LARGE1: variants seen among roughly 807,000 people sequenced by gnomAD.
LARGE1 encodes the protein LARGE xylosyl- and glucuronyltransferase 1.
A neutral mutation model predicts 87.6 loss-of-function variants in LARGE1; 43 were observed. That is an observed-to-expected ratio of 0.49 (90% CI 0.38 to 0.63). The LOEUF (loss-of-function observed/expected upper bound fraction) is 0.63, where lower values mean the gene tolerates loss of function less well. Among genes scored for constraint, LARGE1 ranks in the 30% least tolerant of loss-of-function variants. The probability of loss-of-function intolerance (pLI) is 0.00; values close to 1 mark genes in which losing one functional copy is unlikely to be tolerated. For synonymous variants in LARGE1, 434 were observed against 394.6 expected (o/e 1.10, Z -1.18); for missense variants, 802 against 1,000.2 (o/e 0.80, Z 2.67).
chr22:33,901,079 C>T (rs1205325448), intron 1 of LARGE1, among the ~76,000 whole-genome samples: 1 of 152,094 alleles, frequency 6.6e-6, no homozygotes, highest in Non-Finnish European at 1.5e-5. Flanking sequence ...TGTTTGCACA[C>T]AGAGACATGT....
intron 7 of LARGE1, among the ~76,000 whole-genome samples, chr22:33,399,146 C>A (rs2065852737): frequency 6.6e-6 from 1 of 152,050 alleles, no homozygotes; most frequent in Non-Finnish European, 1.5e-5. Context: ...CCCCCCGCCC[C>A]GACCAAGAGG....
At position 33,604,682 on chromosome 22, in the gene LARGE1, A is replaced by C. The variant is rs555389974; in HGVS notation, c.492-124T>G. ...GTTTCTAACGGCAATTGTGAAAGTAAATCTGGAATGTTACGAAAACAGTGC... is the reference window on the plus strand; with the variant it reads ...GTTTCTAACGGCAATTGTGAAAGTACATCTGGAATGTTACGAAAACAGTGC... On this transcript the variant is annotated intron_variant, in intron 4 of 14. Transcript: ENST00000397394. 1,821 of 1,298,776 alleles carry C rather than the reference A, an allele frequency of 1.4e-3. 36 individuals are homozygous for C. The South Asian group carries it at 0.015, about 11-fold the overall frequency. 80.5% of individuals were successfully genotyped at this position (1,298,776 alleles called of 1,614,324 possible). A position where few individuals can be genotyped will look rare whatever the true frequency, so the allele number is the denominator to read the frequency against.
intron 1 of LARGE1, among the ~76,000 whole-genome samples, chr22:33,797,294 TTAGCTCC>T: frequency 6.6e-6 from 1 of 152,324 alleles, no homozygotes. Context: ...CACCAAGCCC[TTAGCTCC>T]ACCTTTCTCT....
intron 1 of LARGE1, among the ~76,000 whole-genome samples, chr22:33,800,947 C>A (rs372622858): frequency 5.3e-5 from 8 of 152,206 alleles, no homozygotes; most frequent in African/African-American, 1.9e-4. Context: ...GTGTCCCCAC[C>A]CAAATCTCAA....
At chr22:33,824,484 C>A (rs2062725748) in intron 1 of LARGE1, among the ~76,000 whole-genome samples, 1 of 152,200 alleles carries the variant, frequency 6.6e-6, no homozygotes, top group African/African-American at 2.4e-5. Flanking sequence ...CCCCATGATT[C>A]AATCACCTCC....
At chr22:33,461,626 C>T (rs957599873) in intron 6 of LARGE1, among the ~76,000 whole-genome samples, 1 of 135,846 alleles carries the variant, frequency 7.4e-6, no homozygotes, top group Admixed American at 8.1e-5. Flanking sequence ...ATGTTGTGCA[C>T]ATGTACCCTA....
intron 2 of LARGE1, among the ~76,000 whole-genome samples, chr22:33,675,725 C>T (rs1334123870): frequency 6.6e-6 from 1 of 152,204 alleles, no homozygotes; most frequent in Non-Finnish European, 1.5e-5. Flanking sequence ...CTAAATAACT[C>T]TCCAATAACC....
intron 11 of LARGE1, among the ~76,000 whole-genome samples, chr22:33,265,101 C>T (rs1404079362): frequency 6.6e-6 from 1 of 151,742 alleles, no homozygotes; most frequent in Non-Finnish European, 1.5e-5. Context: ...GGGGTGATTT[C>T]ACCATGTTGG....
chr22:33,094,779 C>T, the LARGE1 span, among the ~76,000 whole-genome samples: 1,011 of 152,308 alleles, frequency 6.6e-3, 5 homozygotes, highest in Middle Eastern at 0.031. Context: ...AGCGCAATGG[C>T]GCGATGTTGG....
rs117775408 is a variant in LARGE1, at chr22:33,472,970, C to T, written c.788-40705G>A. ...TGATGCCTGCACAAGATCATTTCGTCCTGTCTTCTAGAGCACTGGGGTGGT... is the reference window on the plus strand; with the variant it reads ...TGATGCCTGCACAAGATCATTTCGTTCTGTCTTCTAGAGCACTGGGGTGGT... On this transcript the variant is annotated intron_variant, in intron 6 of 14. Transcript: ENST00000397394. Among the ~76,000 whole-genome samples, 488 of 152,314 alleles carry T rather than the reference C, an allele frequency of 3.2e-3. 3 individuals are homozygous for T. Among genetic ancestry groups the T allele is most frequent in the South Asian group, 0.022 (104 of 4,818 alleles).
intron 8 of LARGE1, 78 bp downstream of exon 8, chr22:33,384,114 G>A (rs1601652754): frequency 7.0e-6 from 7 of 1,001,508 alleles, no homozygotes; most frequent in East Asian, 4.7e-5. Context: ...CATTCAGATC[G>A]ATTTAATTTT....
chr22:33,251,236 CCCATGTGT>C (rs1285339580), intron 11 of LARGE1, among the ~76,000 whole-genome samples: 2 of 152,176 alleles, frequency 1.3e-5, no homozygotes, highest in Non-Finnish European at 2.9e-5. Context: ...ATGTGGAACA[CCCATGTGT>C]CCATTCTGGA....
At position 33,730,653 on chromosome 22, in the gene LARGE1, G is replaced by C. The variant is rs183067255; in HGVS notation, c.106+30718C>G. Among the ~76,000 whole-genome samples, 82 of 152,242 alleles carry C rather than the reference G, an allele frequency of 5.4e-4. 1 individual carries two copies. The highest frequency in any genetic ancestry group is 8.8e-4 in the Non-Finnish European group (60 of 67,998). ...AAGTAGGGATGAATGATGAGAAGTG[G>C]AGAGGGGGTTGCATTTCTATTTTAT... On this transcript the variant is annotated intron_variant, in intron 2 of 14. Coordinates refer to ENST00000397394, the MANE Select transcript of LARGE1 (RefSeq NM_133642.5).
intron 11 of LARGE1, among the ~76,000 whole-genome samples, chr22:33,186,389 TA>T (rs1280538396): frequency 6.6e-6 from 1 of 152,090 alleles, no homozygotes; most frequent in Non-Finnish European, 1.5e-5. Context: ...ATTAACAGAA[TA>T]AGGACAATCA....
intron 1 of LARGE1, among the ~76,000 whole-genome samples, chr22:33,913,725 T>G (rs866217309): frequency 1.3e-5 from 2 of 151,950 alleles, no homozygotes; most frequent in African/African-American, 4.8e-5. Context: ...TTTTTTTGTA[T>G]TTTTAGTAGA....
rs552499173 is a variant in LARGE1, at chr22:33,489,950, A to G, written c.788-57685T>C. On this transcript the variant is annotated intron_variant, in intron 6 of 14. Coordinates refer to ENST00000397394, the MANE Select transcript of LARGE1 (RefSeq NM_133642.5). ...TGTCTCTAAAGAGGGTGCCTGTCCCAGGGAAGGCAGTGACTTCACATGCAC... is the reference window on the plus strand; with the variant it reads ...TGTCTCTAAAGAGGGTGCCTGTCCCGGGGAAGGCAGTGACTTCACATGCAC... 3.0e-3 allele frequency among the ~76,000 whole-genome samples: 453 copies of G among 152,274 alleles called. 3 individuals carry two copies. The highest frequency in any genetic ancestry group is 0.02 in the South Asian group (98 of 4,814).
chr22:33,814,878 G>A (rs956564334), intron 1 of LARGE1, among the ~76,000 whole-genome samples: 4 of 152,104 alleles, frequency 2.6e-5, no homozygotes, highest in African/African-American at 7.2e-5. Flanking sequence ...AAGTATGATC[G>A]CCTTTTGTTC....
chr22:33,171,992 C>A (rs969424739), intron 11 of LARGE1, among the ~76,000 whole-genome samples: 2 of 152,248 alleles, frequency 1.3e-5, no homozygotes, highest in Non-Finnish European at 2.9e-5. Context: ...CTGTACCCTG[C>A]AGAGCCACAG....
rs185545521 is a variant in LARGE1, at chr22:33,307,852, T to C, written c.1452-3345A>G. On this transcript the variant is annotated intron_variant, in intron 11 of 14. Transcript: ENST00000397394. ...GGTGCGATCTCGGCTCACTGCAACCTCTACCTCCTAGGTTCTCTCCCCTCA... is the reference window on the plus strand; with the variant it reads ...GGTGCGATCTCGGCTCACTGCAACCCCTACCTCCTAGGTTCTCTCCCCTCA... 4.1e-3 allele frequency among the ~76,000 whole-genome samples: 628 copies of C among 151,682 alleles called. 5 individuals carry two copies. The highest frequency in any genetic ancestry group is 0.014 in the African/African-American group (576 of 41,356).
Sources: allele counts gnomAD v4.1 joint callset (sites outside exome capture counted in the v4.1 genomes callset), GRCh38; gene constraint gnomAD v4.1.1; transcripts MANE v1.5; gene names NCBI Gene and HGNC (gene_info 2026-07-23, HGNC 2026-07-21).